The following NLGN1 variants were observed in gnomAD, a reference collection of about 807,000 sequenced individuals.
NLGN1 encodes neuroligin-1.
In NLGN1, 12 loss-of-function variants were observed where a neutral mutation model predicts 65.5. That is an observed-to-expected ratio of 0.18 (90% CI 0.12 to 0.30). The LOEUF (loss-of-function observed/expected upper bound fraction) is 0.30, where lower values mean the gene tolerates loss of function less well. Ranked by LOEUF, NLGN1 falls within the 10% of genes least tolerant of loss-of-function variation. The pLI is 1.00. For synonymous variants in NLGN1, 350 were observed against 359.5 expected (o/e 0.97, Z 0.30); for missense variants, 750 against 1,007.1 (o/e 0.74, Z 3.46).
At chr3:173,535,813 C>CAT (rs1373493200) in intron 2 of NLGN1, among the ~76,000 whole-genome samples, 1 of 152,134 alleles carries the variant, frequency 6.6e-6, no homozygotes, top group Admixed American at 6.5e-5. Flanking sequence ...ATCAAATGGT[C>CAT]ATAGTATTTT....
chr3:173,465,478 C>T (rs755504773), intron 2 of NLGN1, among the ~76,000 whole-genome samples: 1 of 152,112 alleles, frequency 6.6e-6, no homozygotes, highest in Non-Finnish European at 1.5e-5. Flanking sequence ...TGAGAAAGGG[C>T]ATTTGTCAGA....
At chr3:173,729,919 A>G (rs540226228) in intron 3 of NLGN1, among the ~76,000 whole-genome samples, 42 of 152,108 alleles carry the variant, frequency 2.8e-4, no homozygotes, top group African/African-American at 1.0e-3. Flanking sequence ...TATTTGTTTC[A>G]GATATTTCAC....
At chr3:173,785,157 C>T (rs1259869025) in intron 3 of NLGN1, among the ~76,000 whole-genome samples, 1 of 152,236 alleles carries the variant, frequency 6.6e-6, no homozygotes, top group African/African-American at 2.4e-5. Flanking sequence ...CCCCACTTCC[C>T]TGGCTTCTGC....
intron 4 of NLGN1, among the ~76,000 whole-genome samples, chr3:174,133,377 C>T (rs1720570094): frequency 6.6e-6 from 1 of 152,178 alleles, no homozygotes; most frequent in African/African-American, 2.4e-5. Flanking sequence ...GAAAAAACTC[C>T]TCCCATTTAA....
intron 4 of NLGN1, among the ~76,000 whole-genome samples, chr3:173,902,776 C>A (rs1737607511): frequency 6.6e-6 from 1 of 152,046 alleles, no homozygotes; most frequent in African/African-American, 2.4e-5. Context: ...TATAACTATT[C>A]TGTGAGCCCA....
intron 4 of NLGN1, among the ~76,000 whole-genome samples, chr3:173,900,190 A>G (rs1460646454): frequency 6.6e-6 from 1 of 152,118 alleles, no homozygotes; most frequent in Non-Finnish European, 1.5e-5. Context: ...TTTGAGTGCT[A>G]AAAACATTAA....
intron 4 of NLGN1, among the ~76,000 whole-genome samples, chr3:174,163,593 C>A (rs1362455218): frequency 6.6e-6 from 1 of 152,056 alleles, no homozygotes; most frequent in East Asian, 1.9e-4. Flanking sequence ...CTCCCCGCAA[C>A]TTCCAGCAGA....
At chr3:174,034,162 T>A (rs924885537) in intron 4 of NLGN1, among the ~76,000 whole-genome samples, 1 of 152,036 alleles carries the variant, frequency 6.6e-6, no homozygotes, top group Admixed American at 6.6e-5. Flanking sequence ...GAGTGAAGCA[T>A]TTAGTGCTGA....
chr3:174,083,600 G>A (rs73880335), intron 4 of NLGN1, among the ~76,000 whole-genome samples: 2,757 of 152,126 alleles, frequency 0.018, 82 homozygotes, highest in African/African-American at 0.063. Flanking sequence ...TTGGAAAAAA[G>A]TAAACAATAT....
intron 4 of NLGN1, among the ~76,000 whole-genome samples, chr3:173,981,303 C>T (rs1037287826): frequency 6.6e-6 from 1 of 152,126 alleles, no homozygotes; most frequent in African/African-American, 2.4e-5. Context: ...TTTTATTTTT[C>T]TCATCCTCCT....
chr3:173,565,827 A>T (rs1743562243), intron 2 of NLGN1, among the ~76,000 whole-genome samples: 1 of 151,648 alleles, frequency 6.6e-6, no homozygotes, highest in Admixed American at 6.6e-5. Flanking sequence ...AGCAGATATT[A>T]GAATGAAAAT....
intron 2 of NLGN1, among the ~76,000 whole-genome samples, chr3:173,547,523 T>C (rs1477354805): frequency 6.6e-6 from 1 of 152,168 alleles, no homozygotes; most frequent in East Asian, 1.9e-4. Context: ...ATTTTCTCAA[T>C]TTATCCAATA....
chr3:173,569,920 T>C (rs1744358683), intron 2 of NLGN1, among the ~76,000 whole-genome samples: 1 of 152,250 alleles, frequency 6.6e-6, no homozygotes, highest in African/African-American at 2.4e-5. Flanking sequence ...CATTCATGCA[T>C]TTCTTCTTCT....
chr3:174,089,795 T>A (rs540073879), intron 4 of NLGN1, among the ~76,000 whole-genome samples: 1 of 152,262 alleles, frequency 6.6e-6, no homozygotes, highest in African/African-American at 2.4e-5. Flanking sequence ...GAAGTAATTC[T>A]CTCACTGATG....
At chr3:173,810,828 G>T (rs1411415203) in intron 4 of NLGN1, among the ~76,000 whole-genome samples, 2 of 152,200 alleles carry the variant, frequency 1.3e-5, no homozygotes, top group Non-Finnish European at 2.9e-5. Flanking sequence ...GTCAGAATTA[G>T]TTCTTCTACC....
Position 173,798,556 on chromosome 3 carries a change from C to T in NLGN1, c.494-9124C>T, listed in dbSNP as rs184339236. ...CAAATAATCCTAAGCATGCCTTTTG[C>T]ATTTAAACAGGGTCATGTTAAATAA... On this transcript the variant is annotated intron_variant, in intron 3 of 6. Transcript: ENST00000457714. 5.7e-4 allele frequency among the ~76,000 whole-genome samples: 87 copies of T among 152,132 alleles called. 1 individual carries two copies. The highest frequency in any genetic ancestry group is 1.9e-3 in the Admixed American group (29 of 15,268).
intron 4 of NLGN1, chr3:173,910,683 A>G (rs1739412473): frequency 6.6e-6 from 1 of 152,224 alleles, no homozygotes; most frequent in Non-Finnish European, 1.5e-5. Context: ...TATAATGCTC[A>G]CAGCAAATGT....
At chr3:174,173,699 T>C (rs961745015) in intron 4 of NLGN1, among the ~76,000 whole-genome samples, 5 of 151,276 alleles carry the variant, frequency 3.3e-5, no homozygotes, top group Non-Finnish European at 7.4e-5. Flanking sequence ...CTTTTGTGTG[T>C]GTGTGTATGT....
intron 2 of NLGN1, among the ~76,000 whole-genome samples, chr3:173,585,727 G>A (rs1169625534): frequency 1.3e-5 from 2 of 152,198 alleles, no homozygotes; most frequent in Non-Finnish European, 2.9e-5. Flanking sequence ...CCAGGCAGAC[G>A]GCTGCATTTC....
Sources: allele counts gnomAD v4.1 joint callset (sites outside exome capture counted in the v4.1 genomes callset), GRCh38; gene constraint gnomAD v4.1.1; transcripts MANE v1.5; gene names NCBI Gene and HGNC (gene_info 2026-07-23, HGNC 2026-07-21).